CCZ1: variants seen among roughly 807,000 people sequenced by gnomAD.
The protein encoded by CCZ1 is vacuolar fusion protein CCZ1 homolog.
CCZ1 carries 19 observed loss-of-function variants against 57.8 expected under a neutral mutation model. That is an observed-to-expected ratio of 0.33 (90% CI 0.23 to 0.48). The LOEUF is 0.48. CCZ1 is among the 20% of genes least tolerant of loss of function. The pLI, the probability that CCZ1 is intolerant of heterozygous loss-of-function variation, is 0.99. For synonymous variants in CCZ1, 81 were observed against 167.0 expected, an observed-to-expected ratio of 0.49 and a Z score of 3.97; for missense variants, 200 against 492.0, an observed-to-expected ratio of 0.41 and a Z score of 5.61.
chr7:5,909,073 C>T (rs1313102488), intron 7 of CCZ1, among the ~76,000 whole-genome samples: 15 of 142,648 alleles, frequency 1.1e-4, no homozygotes, highest in East Asian at 4.6e-4. Context: ...TAATCCTACA[C>T]GGAATTCAAC....
At chr7:5,902,380 G>C in intron 5 of CCZ1, 1 of 321,010 alleles carries the variant, frequency 3.1e-6, no homozygotes, top group Non-Finnish European at 5.4e-6. Context: ...AGAAATGTGG[G>C]TGATATTATG....
intron 6 of CCZ1, among the ~76,000 whole-genome samples, chr7:5,903,760 G>C (rs752034448): frequency 1.4e-5 from 2 of 147,608 alleles, no homozygotes; most frequent in African/African-American, 2.6e-5. Flanking sequence ...TTGGGAGGCC[G>C]ATGCGGGCAG....
chr7:5,906,802 TTGG>T (rs1781838069), intron 7 of CCZ1, among the ~76,000 whole-genome samples: 1 of 150,938 alleles, frequency 6.6e-6, no homozygotes, highest in East Asian at 2.0e-4. Context: ...AATAAACAAC[TTGG>T]TGGGTTTCCA....
intron 4 of CCZ1, 78 bp downstream of exon 4, chr7:5,901,010 A>C: frequency 1.2e-6 from 1 of 832,504 alleles, no homozygotes; most frequent in Non-Finnish European, 1.7e-6. Context: ...ACTTGGTCGG[A>C]TTTAAACTAG....
intron 11 of CCZ1, 111 bp from the exon 12 acceptor site, chr7:5,919,738 G>A (rs1156830295): frequency 6.9e-7 from 1 of 1,455,820 alleles, no homozygotes; most frequent in Non-Finnish European, 9.5e-7. Context: ...AAGGGGGCCT[G>A]AGCATTCATT....
chr7:5,899,395 G>A (rs1458583804), intron 1 of CCZ1, among the ~76,000 whole-genome samples: 1 of 145,850 alleles, frequency 6.9e-6, no homozygotes, highest in Non-Finnish European at 1.5e-5. Context: ...TTTTTCTGAG[G>A]TGGGGACGGC....
At chr7:5,907,020 A>G (rs1252282367) in intron 7 of CCZ1, among the ~76,000 whole-genome samples, 1 of 148,712 alleles carries the variant, frequency 6.7e-6, no homozygotes, top group Non-Finnish European at 1.5e-5. Flanking sequence ...GGTGCATACC[A>G]CAACACCCAG....
Position 5,898,813 on chromosome 7 carries a change from C to CGGCCGG in CCZ1, c.22_27dup (p.Ala8_Gly9dup), listed in dbSNP as rs1781608621. 2.5e-6 allele frequency: 1 copy of CGGCCGG among 394,178 alleles called. No individual in the cohort carries two copies. The highest frequency in any genetic ancestry group is 5.1e-5 in the Admixed American group (1 of 19,778). The allele number at this position is 394,178 out of a possible 1,614,324, so 24.4% of individuals were successfully genotyped here. A position where few individuals can be genotyped will look rare whatever the true frequency, so the allele number is the denominator to read the frequency against. On this transcript the variant is annotated inframe_insertion, in exon 1 of 15. Transcript: ENST00000325974. ...GGCCGGGGCGGGATGGCTGCAGCGG[C>CGGCCGG]GGCCGGGGCCGGGAGCGGGCCCTGG...
chr7:5,921,037 C>T (rs1292321544), intron 12 of CCZ1, among the ~76,000 whole-genome samples: 1 of 96,490 alleles, frequency 1.0e-5, no homozygotes, highest in Admixed American at 9.7e-5. Context: ...CTGCAACCTC[C>T]GCCTCCCAGG....
intron 7 of CCZ1, among the ~76,000 whole-genome samples, chr7:5,906,585 G>C (rs1455718209): frequency 6.7e-6 from 1 of 148,422 alleles, no homozygotes; most frequent in Non-Finnish European, 1.5e-5. Context: ...GGCCTCCCAA[G>C]GTGCCTCGAT....
chr7:5,904,967 T>G lies in CCZ1; in HGVS notation c.523-127T>G, dbSNP rs1181803735. On this transcript the variant is annotated intron_variant, in intron 6 of 14. Transcript: ENST00000325974. Reference sequence around the variant, plus strand: ...CATGTCTTCACCACGGCCTCATTGTTGCGCTGTTTGCTAGTATGTAATTGT... The same window carrying G: ...CATGTCTTCACCACGGCCTCATTGTGGCGCTGTTTGCTAGTATGTAATTGT... 54 of 1,274,858 alleles carry G rather than the reference T, an allele frequency of 4.2e-5. 4 individuals are homozygous for G. The highest frequency in any genetic ancestry group is 1.6e-5 in the African/African-American group (1 of 63,578). The allele number at this position is 1,274,858 out of a possible 1,614,324, so 79.0% of individuals were successfully genotyped here.
In CCZ1 at chr7:5,912,969, C is replaced by T; in HGVS notation, c.954+15C>T. ...TCGTTTATAAGGTAACAACTGTTTTCCTTCCAGCGTTAATGATTGTGCTGA... is the reference window on the plus strand; with the variant it reads ...TCGTTTATAAGGTAACAACTGTTTTTCTTCCAGCGTTAATGATTGTGCTGA... On this transcript the variant is annotated intron_variant, in intron 10 of 14. Coordinates refer to ENST00000325974, the MANE Select transcript of CCZ1 (RefSeq NM_015622.6). 1 of 1,608,014 alleles carries T rather than the reference C, an allele frequency of 6.2e-7. No individual in the cohort carries two copies. The highest frequency in any genetic ancestry group is 8.5e-7 in the Non-Finnish European group (1 of 1,177,458).
intron 10 of CCZ1, among the ~76,000 whole-genome samples, chr7:5,916,707 C>A (rs942726824): frequency 1.4e-5 from 2 of 147,196 alleles, no homozygotes; most frequent in African/African-American, 5.3e-5. Context: ...GGGGGTTGGC[C>A]ACAGAGACAC....
rs1490060380 is a variant in CCZ1, at chr7:5,914,964, C to T, written c.954+2010C>T. 6.9e-5 allele frequency among the ~76,000 whole-genome samples: 10 copies of T among 145,742 alleles called. 1 individual carries two copies. Among genetic ancestry groups the T allele is most frequent in the African/African-American group, 2.3e-4 (9 of 38,954 alleles). ...CCTGAGGGTGTTACACAGGGTCATC[C>T]GTCAGCAGAATAAGTGAGCACACCA... On this transcript the variant is annotated intron_variant, in intron 10 of 14. Transcript: ENST00000325974.
intron 5 of CCZ1, chr7:5,902,351 C>T: frequency 4.3e-6 from 1 of 230,914 alleles, no homozygotes; most frequent in Admixed American, 5.8e-5. Context: ...ATTAACAGAA[C>T]ACTGAAAAAT....
At chr7:5,902,144 A>G in intron 5 of CCZ1, 2 of 177,054 alleles carry the variant, frequency 1.1e-5, no homozygotes, top group Non-Finnish European at 2.3e-5. Flanking sequence ...AAATTTTTAT[A>G]AAAGTTAGCC....
At chr7:5,920,489 A>G (rs369809534) in intron 12 of CCZ1, among the ~76,000 whole-genome samples, 2 of 14,522 alleles carry the variant, frequency 1.4e-4, no homozygotes, top group South Asian at 2.0e-3. Flanking sequence ...TTTTTTTTTG[A>G]GACAAATTCC....
intron 8 of CCZ1, among the ~76,000 whole-genome samples, chr7:5,910,686 C>G (rs13238952): frequency 0.21 from 24,039 of 112,012 alleles, 3,546 homozygotes; most frequent in East Asian, 0.75. Context: ...TTTTACTTTA[C>G]TTTTAATTTA....
chr7:5,904,594 A>T (rs183108720), intron 6 of CCZ1, among the ~76,000 whole-genome samples: 2,537 of 146,194 alleles, frequency 0.017, 175 homozygotes, highest in African/African-American at 0.063. Flanking sequence ...GCACTTTGGG[A>T]GGCCGAGGCA....
Sources: allele counts gnomAD v4.1 joint callset (sites outside exome capture counted in the v4.1 genomes callset), GRCh38; gene constraint gnomAD v4.1.1; transcripts MANE v1.5; gene names NCBI Gene and HGNC (gene_info 2026-07-23, HGNC 2026-07-21).